The following MYO5B variants were observed in gnomAD, a reference collection of about 807,000 sequenced individuals.
MYO5B encodes the protein myosin VB, also known as unconventional myosin-Vb.
A neutral mutation model predicts 229.3 loss-of-function variants in MYO5B; 143 were observed. That is an observed-to-expected ratio of 0.62 (90% CI 0.54 to 0.72). The LOEUF is 0.72. MYO5B is among the 30% of genes least tolerant of loss of function. The pLI, the probability that MYO5B is intolerant of heterozygous loss-of-function variation, is 0.00. For synonymous variants in MYO5B, 918 were observed against 885.2 expected, an observed-to-expected ratio of 1.04 and a Z score of -0.66; for missense variants, 2,321 against 2,331.0, an observed-to-expected ratio of 1.00 and a Z score of 0.09.
chr18:50,033,311 G>A (rs1265209630), intron 4 of MYO5B, among the ~76,000 whole-genome samples: 1 of 152,102 alleles, frequency 6.6e-6, no homozygotes, highest in African/African-American at 2.4e-5. Context: ...CTTACTCTGT[G>A]CATCCTACCA....
rs553068440 is a variant in MYO5B at position 49,840,765 on chromosome 18, T to A, written c.4701+600A>T. Among the ~76,000 whole-genome samples the A allele has an allele frequency of 2.6e-5, 4 of 152,278 alleles. No individual in the cohort carries two copies. In the South Asian group the frequency reaches 8.3e-4, roughly 32 times the overall value. On this transcript the variant is annotated intron_variant, in intron 35 of 39. Coordinates refer to ENST00000285039, the MANE Select transcript of MYO5B (RefSeq NM_001080467.3). Reference sequence around the variant, plus strand: ...CAGGGACCAAAGCTAGGAATGTGAGTTCCAGAAAAAGCTGGGCCTTACAGG... The same window carrying A: ...CAGGGACCAAAGCTAGGAATGTGAGATCCAGAAAAAGCTGGGCCTTACAGG...
chr18:49,976,781 TC>T (rs1365128348), intron 9 of MYO5B, among the ~76,000 whole-genome samples: 1 of 152,142 alleles, frequency 6.6e-6, no homozygotes, highest in Admixed American at 6.5e-5. Context: ...CTGGCCAAGA[TC>T]CTTTTTCTCT....
chr18:50,105,977 C>T (rs2031753003), intron 1 of MYO5B, among the ~76,000 whole-genome samples: 1 of 151,964 alleles, frequency 6.6e-6, no homozygotes, highest in African/African-American at 2.4e-5. Context: ...CCCTAGTCAC[C>T]CTCTCCAGCT....
intron 1 of MYO5B, among the ~76,000 whole-genome samples, chr18:50,148,953 A>G (rs1257393211): frequency 6.6e-6 from 1 of 152,124 alleles, no homozygotes; most frequent in Non-Finnish European, 1.5e-5. Flanking sequence ...TCAGCCCAAA[A>G]TCTCCTTAAG....
chr18:50,020,766 T>C (rs944308345), intron 4 of MYO5B, among the ~76,000 whole-genome samples: 6 of 152,232 alleles, frequency 3.9e-5, no homozygotes, highest in Non-Finnish European at 8.8e-5. Flanking sequence ...AGGTGTGGCA[T>C]AGATGACTTT....
chr18:50,130,846 C>T lies in MYO5B; in HGVS notation c.27+63921G>A, dbSNP rs1000799332. ...CTAACAGGAAATGGGTAAGGAATCC[C>T]GAATAAGCTCATCTCTCAGGAAAAG... is the stretch of plus-strand genomic sequence containing the variant. On this transcript the variant is annotated intron_variant, in intron 1 of 39. Transcript: ENST00000285039. 3.3e-5 allele frequency among the ~76,000 whole-genome samples: 5 copies of T among 152,250 alleles called. No individual in the cohort carries two copies. In the South Asian group the frequency reaches 8.3e-4, roughly 25 times the overall value.
chr18:49,831,739 G>A (rs1346536121), intron 39 of MYO5B, among the ~76,000 whole-genome samples: 3 of 152,180 alleles, frequency 2.0e-5, no homozygotes, highest in Non-Finnish European at 1.5e-5. Context: ...ATATGACCCA[G>A]TAATTCTGCC....
At chr18:50,146,558 C>T (rs1001636739) in intron 1 of MYO5B, among the ~76,000 whole-genome samples, 2 of 152,186 alleles carry the variant, frequency 1.3e-5, no homozygotes, top group African/African-American at 4.8e-5. Flanking sequence ...GCTCTTGACC[C>T]TGTGTCCACC....
chr18:49,858,482 C>T (rs1330227971), intron 29 of MYO5B, among the ~76,000 whole-genome samples: 2 of 152,230 alleles, frequency 1.3e-5, no homozygotes, highest in Non-Finnish European at 2.9e-5. Flanking sequence ...CCAGGGTCTC[C>T]AGACCTTGAA....
intron 12 of MYO5B, among the ~76,000 whole-genome samples, chr18:49,955,046 G>C (rs62098862): frequency 0.42 from 63,365 of 151,914 alleles, 13,498 homozygotes; most frequent in South Asian, 0.55. Context: ...ACTACAAACT[G>C]TAAGTTTGTT....
At chr18:49,902,311 C>G (rs2024850705) in intron 21 of MYO5B, among the ~76,000 whole-genome samples, 2 of 152,332 alleles carry the variant, frequency 1.3e-5, no homozygotes, top group Non-Finnish European at 1.5e-5. Flanking sequence ...TCAAGCTCAC[C>G]TGGCTCACCC....
At chr18:50,036,055 C>T (rs1269638996) in intron 4 of MYO5B, among the ~76,000 whole-genome samples, 3 of 152,132 alleles carry the variant, frequency 2.0e-5, no homozygotes, top group African/African-American at 7.2e-5. Context: ...CTAAATTAAT[C>T]TAAATAGCTT....
At chr18:49,990,077 T>C (rs1167489319) in intron 7 of MYO5B, among the ~76,000 whole-genome samples, 1 of 152,276 alleles carries the variant, frequency 6.6e-6, no homozygotes, top group Non-Finnish European at 1.5e-5. Context: ...GTTATGATTA[T>C]ATGATGTATA....
chr18:49,999,121 A>G (rs919803344), intron 5 of MYO5B, among the ~76,000 whole-genome samples: 10 of 152,220 alleles, frequency 6.6e-5, no homozygotes, highest in African/African-American at 2.4e-4. Context: ...TACTTTGTTC[A>G]GTCTCTGGAG....
chr18:50,182,419 A>T (rs1227451705), intron 1 of MYO5B, among the ~76,000 whole-genome samples: 1 of 152,142 alleles, frequency 6.6e-6, no homozygotes, highest in East Asian at 1.9e-4. Flanking sequence ...TGTTAATAAA[A>T]CCTTTTGAGT....
intron 17 of MYO5B, among the ~76,000 whole-genome samples, chr18:49,913,598 C>T (rs2024981310): frequency 6.6e-6 from 1 of 152,082 alleles, no homozygotes; most frequent in Non-Finnish European, 1.5e-5. Flanking sequence ...ATGTGACTGT[C>T]CAACTACCTG....
chr18:49,866,570 G>A (rs1251156870), intron 27 of MYO5B, among the ~76,000 whole-genome samples: 1 of 152,038 alleles, frequency 6.6e-6, no homozygotes, highest in Non-Finnish European at 1.5e-5. Context: ...AACCTTCTAG[G>A]TACCTCATAT....
At chr18:49,832,708 G>A (rs548010812) in intron 39 of MYO5B, among the ~76,000 whole-genome samples, 7 of 152,132 alleles carry the variant, frequency 4.6e-5, no homozygotes, top group Admixed American at 2.0e-4. Flanking sequence ...TCCAGTACCC[G>A]TGTGTTTGGC....
rs117605271 is a variant in MYO5B, at chr18:49,994,158, C to A, written c.613-1727G>T. Among the ~76,000 whole-genome samples the A allele has an allele frequency of 1.1e-3, 173 of 152,282 alleles. 3 individuals carry two copies. The East Asian group carries it at 0.031, about 27-fold the overall frequency. On this transcript the variant is annotated intron_variant, in intron 5 of 39. Transcript: ENST00000285039. The stretch of plus-strand genomic sequence containing the variant: ...CCCTGATCCCGAGACTAGGGGAGCA[C>A]CTCCTGCCATATGCTCTTCCAGGCC...
Sources: allele counts gnomAD v4.1 joint callset (sites outside exome capture counted in the v4.1 genomes callset), GRCh38; gene constraint gnomAD v4.1.1; transcripts MANE v1.5; gene names NCBI Gene and HGNC (gene_info 2026-07-23, HGNC 2026-07-21).